TMEM106B: variants seen among roughly 807,000 people sequenced by gnomAD.
The protein encoded by TMEM106B is transmembrane protein 106B.
TMEM106B carries 15 observed loss-of-function variants against 31.1 expected under a neutral mutation model. The observed-to-expected ratio is 0.48, with a 90% CI of 0.32 to 0.74. TMEM106B has a LOEUF of 0.74. TMEM106B is among the 30% of genes least tolerant of loss of function. The probability of loss-of-function intolerance (pLI) is 0.03; values close to 1 mark genes in which losing one functional copy is unlikely to be tolerated. For synonymous variants in TMEM106B, 126 were observed against 112.5 expected, an observed-to-expected ratio of 1.12 and a Z score of -0.76; for missense variants, 283 against 327.3, an observed-to-expected ratio of 0.86 and a Z score of 1.04.
Position 12,235,579 on chromosome 7 carries a change from T to C in TMEM106B, c.*3604T>C, listed in dbSNP as rs1344943306. 6.6e-6 allele frequency: 1 copy of C among 151,882 alleles called. No homozygotes were observed. Among genetic ancestry groups the C allele is most frequent in the Non-Finnish European group, 1.5e-5 (1 of 67,826 alleles). 9.4% of individuals were successfully genotyped at this position (151,882 alleles called of 1,614,324 possible). A position where few individuals can be genotyped will look rare whatever the true frequency, so the allele number is the denominator to read the frequency against. Reference sequence around the variant, plus strand: ...TATTAGGAGACTTGAAACTTCAGCCTAATAAATCCTTCATGGTTCTTAGCC... The same window carrying C: ...TATTAGGAGACTTGAAACTTCAGCCCAATAAATCCTTCATGGTTCTTAGCC... On this transcript the variant is annotated 3_prime_UTR_variant, in exon 8 of 8. Coordinates refer to ENST00000396668, the MANE Select transcript of TMEM106B (RefSeq NM_001134232.2).
At chr7:12,212,660 A>G (rs1583448782) in intron 1 of TMEM106B, among the ~76,000 whole-genome samples, 1 of 152,172 alleles carries the variant, frequency 6.6e-6, no homozygotes, top group Admixed American at 6.5e-5. Flanking sequence ...ATGGAGTACA[A>G]GTGCCATTTG....
intron 4 of TMEM106B, among the ~76,000 whole-genome samples, chr7:12,225,855 C>T (rs952697222): frequency 6.6e-6 from 1 of 152,202 alleles, no homozygotes; most frequent in African/African-American, 2.4e-5. Context: ...AAGCTTTTTA[C>T]TTTAATTAGA....
chr7:12,227,431 A>G (rs1781922420), intron 4 of TMEM106B, among the ~76,000 whole-genome samples: 1 of 152,072 alleles, frequency 6.6e-6, no homozygotes, highest in Admixed American at 6.5e-5. Context: ...ATGCATATAC[A>G]TTTACAAATG....
rs568278005 is a variant in TMEM106B at position 12,237,730 on chromosome 7, G to C, written c.*5755G>C. Reference sequence around the variant, plus strand: ...TCACACCTGTAATCCCAGCACTTTCGGAGGCCAAGGTGGGAGGATCACCTG... The same window carrying C: ...TCACACCTGTAATCCCAGCACTTTCCGAGGCCAAGGTGGGAGGATCACCTG... On this transcript the variant is annotated 3_prime_UTR_variant, in exon 8 of 8. Coordinates refer to ENST00000396668, the MANE Select transcript of TMEM106B (RefSeq NM_001134232.2). The C allele has an allele frequency of 6.6e-6, 1 of 151,560 alleles. No homozygotes were observed. The highest frequency in any genetic ancestry group is 1.5e-5 in the Non-Finnish European group (1 of 68,014). 9.4% of individuals were successfully genotyped at this position (151,560 alleles called of 1,614,324 possible).
chr7:12,224,082 C>T, intron 3 of TMEM106B, 144 bp from the exon 4 acceptor site: 1 of 728,364 alleles, frequency 1.4e-6, no homozygotes, highest in Non-Finnish European at 2.4e-6. Context: ...ATACCCAATA[C>T]TTTCAGATGT....
rs1169765784 is a variant in TMEM106B at position 12,242,379 on chromosome 7, CAAAAAAAAAAAAAAA to C, written c.*10418_*10432del. On this transcript the variant is annotated 3_prime_UTR_variant, in exon 8 of 8. Coordinates refer to ENST00000396668, the MANE Select transcript of TMEM106B (RefSeq NM_001134232.2). ...TGGGCGACAGAGCGAGACTCCGTCTCAAAAAAAAAAAAAAAAAAAAAAAAAAAATACCCTTCTTTA... is the reference window on the plus strand; with the variant it reads ...TGGGCGACAGAGCGAGACTCCGTCTCAAAAAAAAAAAAATACCCTTCTTTA... 8.6e-4 allele frequency: 10 copies of C among 11,662 alleles called. 4 individuals carry two copies. The African/African-American group carries it at 9.0e-3, about 10-fold the overall frequency. The allele number at this position is 11,662 out of a possible 1,614,324, so 0.7% of individuals were successfully genotyped here.
intron 3 of TMEM106B, among the ~76,000 whole-genome samples, chr7:12,219,278 G>C (rs1208372526): frequency 6.6e-6 from 1 of 152,172 alleles, no homozygotes; most frequent in Non-Finnish European, 1.5e-5. Context: ...TCTCAAAACT[G>C]TGGAGATAAA....
rs1048024372 is a variant in TMEM106B, at chr7:12,234,447, A to G, written c.*2472A>G. ...TTTCAGAGAGAGTTAAGTAACTGTC[A>G]GAATAAGCCTGGAACAAAACAGGCT... On this transcript the variant is annotated 3_prime_UTR_variant, in exon 8 of 8. Transcript: ENST00000396668. 2.6e-5 allele frequency: 4 copies of G among 151,916 alleles called. No homozygotes were observed. Among genetic ancestry groups the G allele is most frequent in the Non-Finnish European group, 5.9e-5 (4 of 67,810 alleles). 9.4% of individuals were successfully genotyped at this position (151,916 alleles called of 1,614,324 possible).
At chr7:12,218,581 TCAAATTATGTATAA>T in intron 3 of TMEM106B, 60 bp downstream of exon 3, 1 of 1,403,398 alleles carries the variant, frequency 7.1e-7, no homozygotes, top group Non-Finnish European at 9.8e-7. Context: ...TTGTATTTTT[TCAAATTATGTATAA>T]TAACTAGTTA....
rs1782230877 is a variant in TMEM106B, at chr7:12,241,130, TATTTTC to T, written c.*9160_*9165del. ...GATATATTGGAAACCACTGATTTCTTATTTTCATTTCATGAATTTCAGATTCATGAA... is the reference window on the plus strand; with the variant it reads ...GATATATTGGAAACCACTGATTTCTTATTTCATGAATTTCAGATTCATGAA... On this transcript the variant is annotated 3_prime_UTR_variant, in exon 8 of 8. Transcript: ENST00000396668. 1 of 152,232 alleles carries T rather than the reference TATTTTC, an allele frequency of 6.6e-6. No individual in the cohort carries two copies. The highest frequency in any genetic ancestry group is 6.5e-5 in the Admixed American group (1 of 15,272). 9.4% of individuals were successfully genotyped at this position (152,232 alleles called of 1,614,324 possible). A position where few individuals can be genotyped will look rare whatever the true frequency, so the allele number is the denominator to read the frequency against.
In TMEM106B at chr7:12,232,400, A is replaced by G. The variant is rs16877363; in HGVS notation, c.*425A>G. ...ATTACTCATGGAAGACTTTTAAAGAATAACCTTTTTTCCTGTTTTATAAAT... is the reference window on the plus strand; with the variant it reads ...ATTACTCATGGAAGACTTTTAAAGAGTAACCTTTTTTCCTGTTTTATAAAT... On this transcript the variant is annotated 3_prime_UTR_variant, in exon 8 of 8. Transcript: ENST00000396668. 22,430 of 152,430 alleles carry G rather than the reference A, an allele frequency of 0.15. 1,979 individuals are homozygous for G. Among genetic ancestry groups the G allele is most frequent in the South Asian group, 0.22 (1,047 of 4,836 alleles). 9.4% of individuals were successfully genotyped at this position (152,430 alleles called of 1,614,324 possible).
chr7:12,239,837 A>G lies in TMEM106B; in HGVS notation c.*7862A>G, dbSNP rs1383218516. 1.3e-5 allele frequency: 2 copies of G among 152,144 alleles called. No individual in the cohort carries two copies. Among genetic ancestry groups the G allele is most frequent in the East Asian group, 3.9e-4 (2 of 5,188 alleles). 9.4% of individuals were successfully genotyped at this position (152,144 alleles called of 1,614,324 possible). ...AAAGATCACTGATTACAGATCATTA[A>G]AATAGGTTTAATAATAATGGAAACA... is the stretch of plus-strand genomic sequence containing the variant. On this transcript the variant is annotated 3_prime_UTR_variant, in exon 8 of 8. Coordinates refer to ENST00000396668, the MANE Select transcript of TMEM106B (RefSeq NM_001134232.2).
rs962715747 is a variant in TMEM106B at position 12,232,178 on chromosome 7, C to T, written c.*203C>T. On this transcript the variant is annotated 3_prime_UTR_variant, in exon 8 of 8. Coordinates refer to ENST00000396668, the MANE Select transcript of TMEM106B (RefSeq NM_001134232.2). Reference sequence around the variant, plus strand: ...GATATATTTGTACTAGGATCTTTTACTTGAATCTAAATTTACTGGTTGATT... The same window carrying T: ...GATATATTTGTACTAGGATCTTTTATTTGAATCTAAATTTACTGGTTGATT... 6 of 392,994 alleles carry T rather than the reference C, an allele frequency of 1.5e-5. No individual in the cohort carries two copies. The highest frequency in any genetic ancestry group is 2.7e-5 in the Non-Finnish European group (6 of 222,998). 24.3% of individuals were successfully genotyped at this position (392,994 alleles called of 1,614,324 possible).
At chr7:12,224,655 T>C (rs1781863403) in intron 4 of TMEM106B, among the ~76,000 whole-genome samples, 2 of 152,198 alleles carry the variant, frequency 1.3e-5, no homozygotes, top group African/African-American at 4.8e-5. Flanking sequence ...AAAAAGGTAT[T>C]ACAATTTACT....
In TMEM106B at chr7:12,235,299, T is replaced by C. The variant is rs989922450; in HGVS notation, c.*3324T>C. The C allele has an allele frequency of 6.6e-6, 1 of 152,062 alleles. No individual in the cohort carries two copies. The highest frequency in any genetic ancestry group is 1.5e-5 in the Non-Finnish European group (1 of 67,794). 9.4% of individuals were successfully genotyped at this position (152,062 alleles called of 1,614,324 possible). Reference sequence around the variant, plus strand: ...ATTTATTTGAGATTTGAAATAAGAATAGTATGAAAATATTAGATACCACAT... The same window carrying C: ...ATTTATTTGAGATTTGAAATAAGAACAGTATGAAAATATTAGATACCACAT... On this transcript the variant is annotated 3_prime_UTR_variant, in exon 8 of 8. Coordinates refer to ENST00000396668, the MANE Select transcript of TMEM106B (RefSeq NM_001134232.2).
At position 12,224,349 on chromosome 7, in the gene TMEM106B, T is replaced by C. The variant is rs1244141468; in HGVS notation, c.405T>C (p.Tyr135=). The part of the protein sequence containing the change: ...YIGVKSAYVS[Y]DVQKRTIYLN... ...GTGTAAAATCAGCCTATGTCAGTTA[T>C]GATGTTCAGAAGCGTACAATTTATT... is the stretch of plus-strand genomic sequence containing the variant. Residue 135 remains tyrosine (Y), a synonymous_variant, in exon 4 of 8, where the codon TAT becomes TAC. Coordinates refer to ENST00000396668, the MANE Select transcript of TMEM106B (RefSeq NM_001134232.2). 20 of 1,613,666 alleles carry C rather than the reference T, an allele frequency of 1.2e-5. No individual in the cohort carries two copies. Among genetic ancestry groups the C allele is most frequent in the Non-Finnish European group, 1.6e-5 (19 of 1,179,712 alleles).
Position 12,235,713 on chromosome 7 carries a change from A to G in TMEM106B, c.*3738A>G, listed in dbSNP as rs774272378. 3 of 151,786 alleles carry G rather than the reference A, an allele frequency of 2.0e-5. No homozygotes were observed. The highest frequency in any genetic ancestry group is 4.4e-5 in the Non-Finnish European group (3 of 67,824). The allele number at this position is 151,786 out of a possible 1,614,324, so 9.4% of individuals were successfully genotyped here. A position where few individuals can be genotyped will look rare whatever the true frequency, so the allele number is the denominator to read the frequency against. On this transcript the variant is annotated 3_prime_UTR_variant, in exon 8 of 8. Transcript: ENST00000396668. ...GTTCTTAGAATAAACAGTTCTTTAT[A>G]TAATAATTATATTTTATTTAAGAAA...
At position 12,237,197 on chromosome 7, in the gene TMEM106B, T is replaced by TATGTATGTATGTA. The variant is rs1422203817; in HGVS notation, c.*5222_*5223insATGTATGTATGTA. 9.9e-5 allele frequency: 15 copies of TATGTATGTATGTA among 152,192 alleles called. No homozygotes were observed. The highest frequency in any genetic ancestry group is 3.4e-4 in the African/African-American group (14 of 41,550). 9.4% of individuals were successfully genotyped at this position (152,192 alleles called of 1,614,324 possible). On this transcript the variant is annotated 3_prime_UTR_variant, in exon 8 of 8. Coordinates refer to ENST00000396668, the MANE Select transcript of TMEM106B (RefSeq NM_001134232.2). ...CAGTTATAACTGTTACTCTTGTAGT[T>TATGTATGTATGTA]GTGTATGACGCAATAAAATTTGTAA...
In TMEM106B at chr7:12,231,914, G is replaced by A. The variant is rs776800783; in HGVS notation, c.764G>A (p.Arg255Lys). 4 of 1,612,310 alleles carry A rather than the reference G, an allele frequency of 2.5e-6. No homozygotes were observed. Among genetic ancestry groups the A allele is most frequent in the Non-Finnish European group, 3.4e-6 (4 of 1,178,904 alleles). The stretch of plus-strand genomic sequence containing the variant: ...AGGTATCAGTATGTCGACTGTGGAA[G>A]AAACACAACTTATCAGTTGGGGCAG... ...QERYQYVDCG[R>K]NTTYQLGQSE... The change falls in exon 8 of 8, where the codon AGA becomes AAA. Residue 255 changes from arginine to lysine, a missense_variant. Coordinates refer to ENST00000396668, the MANE Select transcript of TMEM106B (RefSeq NM_001134232.2).
Sources: allele counts gnomAD v4.1 joint callset (sites outside exome capture counted in the v4.1 genomes callset), GRCh38; gene constraint gnomAD v4.1.1; transcripts MANE v1.5; gene names NCBI Gene and HGNC (gene_info 2026-07-23, HGNC 2026-07-21).